Variants in PEX5L observed in about 807,000 individuals in gnomAD.
PEX5L encodes the protein peroxisomal biogenesis factor 5 like, also known as PEX5-related protein.
PEX5L carries 30 observed loss-of-function variants against 84.0 expected under a neutral mutation model. The observed-to-expected ratio is 0.36, with a 90% CI of 0.27 to 0.48. The LOEUF is 0.48. PEX5L is among the 20% of genes least tolerant of loss of function. PEX5L has a pLI of 0.99. For synonymous variants in PEX5L, 270 were observed against 283.1 expected (o/e 0.95, Z 0.46); for missense variants, 533 against 754.6 (o/e 0.71, Z 3.44).
intron 1 of PEX5L, among the ~76,000 whole-genome samples, chr3:179,987,676 A>G (rs931976611): frequency 6.6e-6 from 1 of 152,176 alleles, no homozygotes; most frequent in African/African-American, 2.4e-5. Context: ...ACCTTACAAA[A>G]AGCCAACTGA....
intron 1 of PEX5L, among the ~76,000 whole-genome samples, chr3:180,007,444 T>C (rs942790325): frequency 6.6e-6 from 1 of 152,174 alleles, no homozygotes; most frequent in Non-Finnish European, 1.5e-5. Flanking sequence ...TGTCAGTGGA[T>C]CTACCATTCT....
chr3:179,949,860 T>C (rs1778605974), intron 2 of PEX5L, among the ~76,000 whole-genome samples: 1 of 152,140 alleles, frequency 6.6e-6, no homozygotes, highest in African/African-American at 2.4e-5. Flanking sequence ...ATGAATAAGA[T>C]GCAGTTTCTA....
intron 7 of PEX5L, among the ~76,000 whole-genome samples, chr3:179,861,550 G>C (rs1284838261): frequency 6.6e-6 from 1 of 152,218 alleles, no homozygotes; most frequent in African/African-American, 2.4e-5. Flanking sequence ...GTACCTCTGG[G>C]CTTGCAGGAG....
chr3:179,858,974 A>G (rs1455046867), intron 8 of PEX5L, 88 bp downstream of exon 8: 1 of 799,592 alleles, frequency 1.3e-6, no homozygotes, highest in Non-Finnish European at 2.2e-6. Context: ...TGTAAGACCC[A>G]TTTCATTTCT....
intron 1 of PEX5L, among the ~76,000 whole-genome samples, chr3:180,023,145 G>A (rs934446099): frequency 2.0e-5 from 3 of 152,140 alleles, no homozygotes; most frequent in Admixed American, 2.0e-4. Context: ...CTACTCCTCA[G>A]TCCCCAATTG....
chr3:179,865,338 G>T (rs903713652), intron 7 of PEX5L, among the ~76,000 whole-genome samples: 3 of 152,096 alleles, frequency 2.0e-5, no homozygotes, highest in African/African-American at 7.2e-5. Context: ...TGCCATCAAA[G>T]ATCAGTAAAT....
At chr3:179,961,695 T>C (rs1782083284) in intron 2 of PEX5L, among the ~76,000 whole-genome samples, 1 of 152,348 alleles carries the variant, frequency 6.6e-6, no homozygotes, top group East Asian at 1.9e-4. Flanking sequence ...TTATAAGTGA[T>C]AAAATTGAAT....
At chr3:179,888,185 T>C in intron 3 of PEX5L, 1 of 1,289,202 alleles carries the variant, frequency 7.8e-7, no homozygotes, top group Non-Finnish European at 1.0e-6. Flanking sequence ...ATGTTCTGGT[T>C]AGCACTGCTC....
chr3:179,804,873 C>T (rs572427824), intron 14 of PEX5L, among the ~76,000 whole-genome samples: 1 of 152,220 alleles, frequency 6.6e-6, no homozygotes, highest in African/African-American at 2.4e-5. Context: ...AATCCCCGCA[C>T]TTTGGGAGGC....
intron 3 of PEX5L, among the ~76,000 whole-genome samples, chr3:179,890,731 C>T (rs1165881021): frequency 1.3e-5 from 2 of 152,038 alleles, no homozygotes; most frequent in African/African-American, 2.4e-5. Flanking sequence ...GTTCTGTGTA[C>T]ATATATGTGT....
intron 5 of PEX5L, among the ~76,000 whole-genome samples, chr3:179,878,230 C>A (rs150194528): frequency 1.2e-4 from 19 of 152,158 alleles, no homozygotes; most frequent in African/African-American, 4.6e-4. Context: ...CCATTGCTCA[C>A]GTATACATAT....
At chr3:179,910,769 T>C (rs1392437597) in intron 2 of PEX5L, among the ~76,000 whole-genome samples, 3 of 152,218 alleles carry the variant, frequency 2.0e-5, no homozygotes, top group Non-Finnish European at 2.9e-5. Context: ...ATAAAGCCAG[T>C]TTCCCTTTTT....
chr3:179,925,923 T>C (rs2109509368), intron 2 of PEX5L, among the ~76,000 whole-genome samples: 1 of 152,244 alleles, frequency 6.6e-6, no homozygotes, highest in Non-Finnish European at 1.5e-5. Flanking sequence ...GAAAATTGTT[T>C]TCTCTCTGTG....
intron 2 of PEX5L, among the ~76,000 whole-genome samples, chr3:179,934,824 A>G (rs570048660): frequency 1.5e-4 from 23 of 152,316 alleles, no homozygotes; most frequent in African/African-American, 5.3e-4. Flanking sequence ...CTTATGTGGT[A>G]GCATTTGATT....
At chr3:179,947,529 T>C (rs1299522472) in intron 2 of PEX5L, among the ~76,000 whole-genome samples, 1 of 151,990 alleles carries the variant, frequency 6.6e-6, no homozygotes, top group African/African-American at 2.4e-5. Flanking sequence ...CCCAGGTTTT[T>C]TTCTATTACA....
intron 2 of PEX5L, among the ~76,000 whole-genome samples, chr3:179,934,082 A>G (rs1773908318): frequency 6.6e-6 from 1 of 152,246 alleles, no homozygotes; most frequent in African/African-American, 2.4e-5. Context: ...TGATGAGCAG[A>G]GCAAATGCTC....
chr3:179,934,380 T>A (rs1024586760), intron 2 of PEX5L, among the ~76,000 whole-genome samples: 1 of 152,228 alleles, frequency 6.6e-6, no homozygotes, highest in Non-Finnish European at 1.5e-5. Context: ...GAAATGGTAG[T>A]GAGAACTATC....
intron 1 of PEX5L, among the ~76,000 whole-genome samples, chr3:180,001,336 A>T (rs1398996891): frequency 6.8e-6 from 1 of 147,992 alleles, no homozygotes; most frequent in Non-Finnish European, 1.5e-5. Context: ...TATATATATA[A>T]AATAAAATAT....
chr3:179,855,657 T>C (rs1743650125), intron 8 of PEX5L, among the ~76,000 whole-genome samples: 1 of 152,138 alleles, frequency 6.6e-6, no homozygotes, highest in African/African-American at 2.4e-5. Context: ...AGGTGATATA[T>C]TAAGAGGTAG....
Sources: allele counts gnomAD v4.1 joint callset (sites outside exome capture counted in the v4.1 genomes callset), GRCh38; gene constraint gnomAD v4.1.1; transcripts MANE v1.5; gene names NCBI Gene and HGNC (gene_info 2026-07-23, HGNC 2026-07-21).